The following ALDH3A2 variants were observed in gnomAD, a reference collection of about 807,000 sequenced individuals.
ALDH3A2 encodes the protein aldehyde dehydrogenase family 3 member A2.
Under a neutral mutation model 51.3 loss-of-function variants are expected in ALDH3A2, and 36 were observed. The ratio of observed to expected loss-of-function variants is 0.70; its 90% confidence interval spans 0.54 to 0.93. The LOEUF (loss-of-function observed/expected upper bound fraction) is 0.93, where lower values mean the gene tolerates loss of function less well. Among genes scored for constraint, ALDH3A2 ranks in the 40% least tolerant of loss-of-function variants. The probability of loss-of-function intolerance (pLI) is 0.00; values close to 1 mark genes in which losing one functional copy is unlikely to be tolerated. For synonymous variants in ALDH3A2, 199 were observed against 219.8 expected (o/e 0.91, Z 0.84); for missense variants, 552 against 603.1 (o/e 0.92, Z 0.89).
chr17:19,649,444 A>T, intron 1 of ALDH3A2: 1 of 306,000 alleles, frequency 3.3e-6, no homozygotes, highest in South Asian at 6.0e-5. Context: ...GTAATTTGTC[A>T]GTTTACTGTA....
Position 19,663,259 on chromosome 17 carries a change from A to G in ALDH3A2, c.941-74A>G. On this transcript the variant is annotated intron_variant, in intron 6 of 9. Transcript: ENST00000176643. Reference sequence around the variant, plus strand: ...GGGAAAGGCATGGATAAGTGACCCAATGAAAGAGATGTAATATGAGAGTTG... The same window carrying G: ...GGGAAAGGCATGGATAAGTGACCCAGTGAAAGAGATGTAATATGAGAGTTG... 4 of 1,544,410 alleles carry G rather than the reference A, an allele frequency of 2.6e-6. 1 individual carries two copies. The highest frequency in any genetic ancestry group is 2.3e-4 in the Middle Eastern group (1 of 4,418).
At chr17:19,657,922 A>C in intron 5 of ALDH3A2, 60 bp downstream of exon 5, 1 of 1,318,110 alleles carries the variant, frequency 7.6e-7, no homozygotes, top group Admixed American at 1.8e-5. Flanking sequence ...CAAATTAACT[A>C]TTCGCAGGCA....
chr17:19,656,092 A>G, intron 3 of ALDH3A2: 1 of 457,802 alleles, frequency 2.2e-6, no homozygotes, highest in East Asian at 4.4e-5. Context: ...AAATTCAACC[A>G]TTTGTTCTCC....
chr17:19,669,093 T>C (rs2152332417), intron 8 of ALDH3A2, among the ~76,000 whole-genome samples: 2 of 151,912 alleles, frequency 1.3e-5, no homozygotes, highest in Non-Finnish European at 2.9e-5. Context: ...GGTCAGAATC[T>C]TGAGACCAGC....
intron 4 of ALDH3A2, among the ~76,000 whole-genome samples, chr17:19,656,826 A>C (rs1334177059): frequency 6.6e-6 from 1 of 152,208 alleles, no homozygotes; most frequent in Non-Finnish European, 1.5e-5. Flanking sequence ...ATCTGTTCTC[A>C]AGATTACAGC....
chr17:19,673,341 T>C, intron 9 of ALDH3A2: 1 of 1,499,504 alleles, frequency 6.7e-7, no homozygotes. Context: ...TTCAAGGGTT[T>C]TTTGGTTTGT....
intron 6 of ALDH3A2, chr17:19,661,981 G>A (rs952108201): frequency 7.3e-5 from 11 of 151,674 alleles, no homozygotes; most frequent in African/African-American, 2.4e-4. Flanking sequence ...CAGTGGCCCC[G>A]TGGTACCATC....
intron 9 of ALDH3A2, chr17:19,673,356 G>A (rs112169072): frequency 2.4e-6 from 1 of 423,278 alleles, no homozygotes; most frequent in African/African-American, 5.7e-5. Flanking sequence ...GTTTGTTTTT[G>A]TTTTTGTTTT....
chr17:19,648,814 G>A lies in ALDH3A2; in HGVS notation c.-158G>A. The stretch of plus-strand genomic sequence containing the variant: ...GCGGGCGTGGAGGTCGCGGCTGAGC[G>A]AGCGAGCCCTGGGCGAGTGAATTGT... On this transcript the variant is annotated 5_prime_UTR_variant, in exon 1 of 10. Coordinates refer to ENST00000176643, the MANE Select transcript of ALDH3A2 (RefSeq NM_000382.3). The A allele has an allele frequency of 9.6e-7, 1 of 1,037,882 alleles. No individual in the cohort carries two copies. Among genetic ancestry groups the A allele is most frequent in the Non-Finnish European group, 1.4e-6 (1 of 720,732 alleles). The allele number at this position is 1,037,882 out of a possible 1,614,324, so 64.3% of individuals were successfully genotyped here.
intron 8 of ALDH3A2, among the ~76,000 whole-genome samples, chr17:19,667,002 T>G (rs2085047472): frequency 6.6e-6 from 1 of 151,910 alleles, no homozygotes; most frequent in South Asian, 2.1e-4. Flanking sequence ...CCCCCAAATG[T>G]AAAAAGAATA....
intron 6 of ALDH3A2, among the ~76,000 whole-genome samples, chr17:19,662,823 T>A (rs752232779): frequency 6.6e-6 from 1 of 152,112 alleles, no homozygotes; most frequent in Non-Finnish European, 1.5e-5. Context: ...TGACCCAACA[T>A]GGAGAAACCT....
chr17:19,653,284 A>G (rs2084843171), intron 3 of ALDH3A2, among the ~76,000 whole-genome samples: 2 of 151,906 alleles, frequency 1.3e-5, no homozygotes, highest in Admixed American at 6.6e-5. Context: ...ACCTCAGGTG[A>G]TCCGCCCAGC....
rs1488392761 is a variant in ALDH3A2, at chr17:19,652,598, T to C, written c.437T>C (p.Ile146Thr). 1.2e-6 allele frequency: 2 copies of C among 1,614,110 alleles called. No individual in the cohort carries two copies. The highest frequency in any genetic ancestry group is 2.2e-5 in the East Asian group (1 of 44,882). The change falls in exon 3 of 10, where the codon ATC becomes ACC. Residue 146 changes from isoleucine (I) to threonine (T), a missense_variant. Ile to Thr is a moderately conservative substitution (Grantham distance 89, BLOSUM62 -1). Transcript: ENST00000176643. ...GAACTGAGTGAAAATACAGCCAAGA[T>C]CTTGGCAAAGCTTCTCCCTCAGTAT... ...PSELSENTAK[I>T]LAKLLPQYLD...
upstream of ALDH3A2, chr17:19,648,733 A>T: frequency 1.7e-6 from 1 of 588,576 alleles, no homozygotes; most frequent in Non-Finnish European, 3.0e-6. Context: ...AATAGGGGTG[A>T]GGCTTTGGGT....
At chr17:19,661,426 A>C (rs528936099) in intron 6 of ALDH3A2, 158 bp downstream of exon 6, 1 of 822,966 alleles carries the variant, frequency 1.2e-6, no homozygotes, top group South Asian at 1.7e-5. Flanking sequence ...CTTTTGTTAT[A>C]AACTATTTAA....
At chr17:19,649,220 C>T in intron 1 of ALDH3A2, 96 bp downstream of exon 1, 2 of 1,466,222 alleles carry the variant, frequency 1.4e-6, no homozygotes, top group Non-Finnish European at 9.2e-7. Flanking sequence ...TTTTACATTT[C>T]GGATTACTCC....
intron 2 of ALDH3A2, among the ~76,000 whole-genome samples, chr17:19,651,996 C>G (rs1165819467): frequency 6.6e-6 from 1 of 152,032 alleles, no homozygotes; most frequent in Non-Finnish European, 1.5e-5. Flanking sequence ...GGGGAATGAA[C>G]CTGTGGGAGT....
At chr17:19,657,602 G>C (rs1276230412) in intron 4 of ALDH3A2, 143 bp from the exon 5 acceptor site, 2 of 709,214 alleles carry the variant, frequency 2.8e-6, no homozygotes, top group East Asian at 5.4e-5. Context: ...ATTTAGAAAT[G>C]AGTTTTTAAC....
chr17:19,672,597 G>A (rs759350420), intron 9 of ALDH3A2, among the ~76,000 whole-genome samples: 3 of 152,152 alleles, frequency 2.0e-5, no homozygotes, highest in African/African-American at 7.2e-5. Context: ...GAGGAAATCC[G>A]TAATTAAAGT....
Sources: gnomAD v4.1 joint callset for allele counts (sites outside exome capture counted in the v4.1 genomes callset) on GRCh38, gnomAD v4.1.1 for gene constraint, MANE v1.5 for transcripts, NCBI Gene and HGNC (gene_info 2026-07-23, HGNC 2026-07-21) for gene names.